The following EPHA3 variants were observed in gnomAD, a reference collection of about 807,000 sequenced individuals.
The protein encoded by EPHA3 is EPH receptor A3.
A neutral mutation model predicts 107.1 loss-of-function variants in EPHA3; 42 were observed. The observed-to-expected ratio is 0.39, with a 90% confidence interval of 0.31 to 0.51. The LOEUF is 0.51. Among genes scored for constraint, EPHA3 ranks in the 20% least tolerant of loss-of-function variants. The probability of loss-of-function intolerance (pLI) is 0.78; values close to 1 mark genes in which losing one functional copy is unlikely to be tolerated. For missense variants in EPHA3, 1,183 were observed against 1,211.2 expected, an observed-to-expected ratio of 0.98 and a Z score of 0.35; for synonymous variants, 461 against 424.8, an observed-to-expected ratio of 1.09 and a Z score of -1.05.
chr3:89,424,389 A>G (rs1476780480), intron 11 of EPHA3, among the ~76,000 whole-genome samples: 1 of 151,416 alleles, frequency 6.6e-6, no homozygotes, highest in Non-Finnish European at 1.5e-5. Flanking sequence ...GTATGTAAAC[A>G]GCCCCCAAAC....
intron 2 of EPHA3, among the ~76,000 whole-genome samples, chr3:89,187,052 A>T (rs1195329636): frequency 6.6e-6 from 1 of 151,918 alleles, no homozygotes; most frequent in Non-Finnish European, 1.5e-5. Flanking sequence ...ACTTAATAGT[A>T]GTATACAGTT....
chr3:89,120,992 C>T lies in EPHA3; in HGVS notation c.89-6217C>T, dbSNP rs1707366196. Among the ~76,000 whole-genome samples the T allele has an allele frequency of 3.9e-5, 6 of 152,302 alleles. No homozygotes were observed. In the South Asian group the frequency reaches 1.2e-3, roughly 32 times the overall value. Reference sequence around the variant, plus strand: ...CGGTGGCTCACACCTGTAATCCCAGCACTTTGGGAGGCCGAGGCCGGCGGT... The same window carrying T: ...CGGTGGCTCACACCTGTAATCCCAGTACTTTGGGAGGCCGAGGCCGGCGGT... On this transcript the variant is annotated intron_variant, in intron 1 of 16. Coordinates refer to ENST00000336596, the MANE Select transcript of EPHA3 (RefSeq NM_005233.6).
In EPHA3 at chr3:89,351,218, C is replaced by T. The variant is rs995046391; in HGVS notation, c.1306+9128C>T. Among the ~76,000 whole-genome samples, 370 of 151,328 alleles carry T rather than the reference C, an allele frequency of 2.4e-3. 4 individuals are homozygous for T. Among genetic ancestry groups the T allele is most frequent in the African/African-American group, 8.3e-3 (344 of 41,480 alleles). ...ATGGCGGGCGCCCCTCCCCCAGCCTCGCTGCTGCCTTGCAGTTTGATCTCA... is the reference window on the plus strand; with the variant it reads ...ATGGCGGGCGCCCCTCCCCCAGCCTTGCTGCTGCCTTGCAGTTTGATCTCA... On this transcript the variant is annotated intron_variant, in intron 5 of 16. Coordinates refer to ENST00000336596, the MANE Select transcript of EPHA3 (RefSeq NM_005233.6).
intron 2 of EPHA3, among the ~76,000 whole-genome samples, chr3:89,139,671 T>C (rs1704386566): frequency 6.6e-6 from 1 of 151,752 alleles, no homozygotes; most frequent in Non-Finnish European, 1.5e-5. Context: ...GCAGCGACTA[T>C]AGAAATCATC....
At chr3:89,165,443 T>G (rs540388624) in intron 2 of EPHA3, among the ~76,000 whole-genome samples, 1 of 152,316 alleles carries the variant, frequency 6.6e-6, no homozygotes, top group African/African-American at 2.4e-5. Flanking sequence ...TTCAAATTGG[T>G]TCAATCATTC....
At chr3:89,221,444 T>A (rs1704372734) in intron 3 of EPHA3, among the ~76,000 whole-genome samples, 1 of 152,218 alleles carries the variant, frequency 6.6e-6, no homozygotes, top group African/African-American at 2.4e-5. Flanking sequence ...TACGCTCTCT[T>A]AACATGCCTT....
rs1335496435 is a variant in EPHA3, at chr3:89,419,250, A to C, written c.1934A>C (p.Lys645Thr). The change falls in exon 11 of 17, where the codon AAA (lysine) becomes ACA (threonine). Residue 645 changes from lysine to threonine, a missense_variant. By Grantham distance (78) the Lys-to-Thr change is moderately conservative. Transcript: ENST00000336596. ...AGTGGTCGCTTAAAACTTCCTTCAA[A>C]AAAAGAGATTTCAGTGGCCATTAAG... ...VCSGRLKLPS[K>T]KEISVAIKTL... 14 of 1,610,088 alleles carry C rather than the reference A, an allele frequency of 8.7e-6. No homozygotes were observed. In the South Asian group the frequency reaches 1.5e-4, roughly 18 times the overall value.
At chr3:89,310,793 T>C (rs1706747282) in intron 3 of EPHA3, among the ~76,000 whole-genome samples, 1 of 152,024 alleles carries the variant, frequency 6.6e-6, no homozygotes, top group Non-Finnish European at 1.5e-5. Flanking sequence ...CTATAAGAGC[T>C]AGATAATTTA....
intron 7 of EPHA3, among the ~76,000 whole-genome samples, chr3:89,406,067 C>T (rs1709049637): frequency 6.6e-6 from 1 of 152,028 alleles, no homozygotes; most frequent in Non-Finnish European, 1.5e-5. Flanking sequence ...GGAAAGCATA[C>T]AAATAGAGAC....
chr3:89,184,012 GT>G (rs561133881), intron 2 of EPHA3, among the ~76,000 whole-genome samples: 1 of 151,360 alleles, frequency 6.6e-6, no homozygotes, highest in African/African-American at 2.4e-5. Flanking sequence ...AGTATTTTGT[GT>G]TTTTTTTAAG....
At chr3:89,323,406 C>T (rs1422963128) in intron 3 of EPHA3, among the ~76,000 whole-genome samples, 1 of 152,058 alleles carries the variant, frequency 6.6e-6, no homozygotes, top group African/African-American at 2.4e-5. Flanking sequence ...AGATTTGAAC[C>T]TGAGCATTCT....
intron 3 of EPHA3, among the ~76,000 whole-genome samples, chr3:89,219,440 G>A (rs950775265): frequency 1.7e-4 from 26 of 152,100 alleles, no homozygotes; most frequent in Admixed American, 4.6e-4. Context: ...TGGGATTACA[G>A]GCATGAGCCT....
intron 2 of EPHA3, among the ~76,000 whole-genome samples, chr3:89,184,495 A>G (rs1395820210): frequency 6.6e-6 from 1 of 152,054 alleles, no homozygotes; most frequent in African/African-American, 2.4e-5. Context: ...TCTACTTTCT[A>G]TAATCATATG....
chr3:89,206,151 T>C (rs532582411), intron 2 of EPHA3, among the ~76,000 whole-genome samples: 10 of 152,332 alleles, frequency 6.6e-5, no homozygotes, highest in African/African-American at 2.4e-4. Context: ...TACAAATTAA[T>C]GAAGTGATAA....
chr3:89,256,381 G>A (rs1280956479), intron 3 of EPHA3, among the ~76,000 whole-genome samples: 1 of 151,618 alleles, frequency 6.6e-6, no homozygotes. Context: ...GACCAGCCTG[G>A]CCAACATGGT....
chr3:89,334,728 A>G (rs1159399495), intron 3 of EPHA3, among the ~76,000 whole-genome samples: 3 of 152,166 alleles, frequency 2.0e-5, no homozygotes, highest in African/African-American at 7.2e-5. Flanking sequence ...GTAATTACTT[A>G]GGGTAGAACC....
chr3:89,481,615 G>A lies in EPHA3; in HGVS notation c.*2113G>A. ...TGTTGAATCTATTTCACTTATTTTG[G>A]CTGTGGTTTCCATCTGAAAGTAGAG... On this transcript the variant is annotated 3_prime_UTR_variant, in exon 17 of 17. Transcript: ENST00000336596. 4.3e-6 allele frequency: 1 copy of A among 232,352 alleles called. No homozygotes were observed. Among genetic ancestry groups the A allele is most frequent in the Non-Finnish European group, 8.5e-6 (1 of 117,366 alleles). The allele number at this position is 232,352 out of a possible 1,614,324, so 14.4% of individuals were successfully genotyped here.
At chr3:89,205,293 A>G (rs6771679) in intron 2 of EPHA3, among the ~76,000 whole-genome samples, 179 of 152,340 alleles carry the variant, frequency 1.2e-3, no homozygotes, top group African/African-American at 4.2e-3. Flanking sequence ...CATAATGATG[A>G]TATACTAGCA....
At chr3:89,246,220 A>G (rs1393114527) in intron 3 of EPHA3, among the ~76,000 whole-genome samples, 1 of 152,174 alleles carries the variant, frequency 6.6e-6, no homozygotes, top group Admixed American at 6.5e-5. Context: ...TAAATATCAC[A>G]CTTCCAGTGC....
Sources: gnomAD v4.1 joint callset for allele counts (sites outside exome capture counted in the v4.1 genomes callset) on GRCh38, gnomAD v4.1.1 for gene constraint, MANE v1.5 for transcripts, NCBI Gene and HGNC (gene_info 2026-07-23, HGNC 2026-07-21) for gene names.